WDR44: variants seen among roughly 807,000 people sequenced by gnomAD.
WDR44 encodes the protein WD repeat domain 44.
A neutral mutation model predicts 65.7 loss-of-function variants in WDR44; 9 were observed. The ratio of observed to expected loss-of-function variants is 0.14; its 90% CI spans 0.08 to 0.24. WDR44 has a LOEUF of 0.24. Among genes scored for constraint, WDR44 ranks in the 10% least tolerant of loss-of-function variants. WDR44 has a pLI of 1.00. For synonymous variants in WDR44, 220 were observed against 235.2 expected, an observed-to-expected ratio of 0.94 and a Z score of 0.59; for missense variants, 425 against 670.9, an observed-to-expected ratio of 0.63 and a Z score of 4.05.
chrX:118,354,998 A>G (rs190963642), intron 1 of WDR44, among the ~76,000 whole-genome samples: 4 of 112,486 alleles, frequency 3.6e-5, no homozygotes, highest in African/African-American at 1.3e-4. Context: ...ATAGCTGTGG[A>G]TGAACTTAAT....
chrX:118,403,478 T>TAA (rs2056937654), intron 8 of WDR44, among the ~76,000 whole-genome samples: 1 of 94,215 alleles, frequency 1.1e-5, no homozygotes, highest in South Asian at 4.8e-4. Flanking sequence ...TACCAGCACT[T>TAA]ATTTATCTGT....
intron 12 of WDR44, among the ~76,000 whole-genome samples, chrX:118,418,592 G>A (rs954625473): frequency 3.6e-5 from 4 of 111,117 alleles, no homozygotes; most frequent in African/African-American, 1.3e-4. Flanking sequence ...AGTGGCAGGG[G>A]GGTGAAATGG....
chrX:118,413,467 G>T (rs1174659676), intron 12 of WDR44, among the ~76,000 whole-genome samples: 1 of 112,151 alleles, frequency 8.9e-6, no homozygotes, highest in Non-Finnish European at 1.9e-5. Flanking sequence ...TCATACGTGT[G>T]TTGGCCATTT....
At chrX:118,398,932 G>A (rs759844105) in intron 8 of WDR44, among the ~76,000 whole-genome samples, 4 of 111,644 alleles carry the variant, frequency 3.6e-5, no homozygotes, top group Admixed American at 9.5e-5. Context: ...TAATAATAAA[G>A]CATCTGACAT....
chrX:118,360,498 C>T (rs995324512), intron 1 of WDR44, among the ~76,000 whole-genome samples: 6 of 112,105 alleles, frequency 5.4e-5, no homozygotes, highest in Admixed American at 1.9e-4. Flanking sequence ...GGACCAGACA[C>T]GTGATTCCCT....
chrX:118,382,231 T>G (rs1314850368), intron 2 of WDR44, among the ~76,000 whole-genome samples: 1 of 110,998 alleles, frequency 9.0e-6, no homozygotes, highest in Non-Finnish European at 1.9e-5. Flanking sequence ...CAAGGTGGTT[T>G]TTTTGTTTGT....
intron 2 of WDR44, among the ~76,000 whole-genome samples, chrX:118,386,634 A>G (rs916619169): frequency 4.5e-5 from 5 of 111,357 alleles, no homozygotes; most frequent in Non-Finnish European, 7.5e-5. Flanking sequence ...TTATGGAGCA[A>G]TGCTTTGGGG....
rs1442894786 is a variant in WDR44 at position 118,443,614 on chromosome X, G to A, written c.2439G>A (p.Trp813Ter). ...SGSEDKYVYI[W>*]STYHDLSKFT... Reference sequence around the variant, plus strand: ...CAGAAGATAAGTATGTTTATATCTGGAGTACCTACCATGACCTAAGCAAGT... The same window carrying A: ...CAGAAGATAAGTATGTTTATATCTGAAGTACCTACCATGACCTAAGCAAGT... The change falls in exon 18 of 20, where the codon TGG (tryptophan) becomes TGA (stop). Residue 813 changes from tryptophan to a stop codon, truncating the protein, a stop_gained. Transcript: ENST00000254029. LOFTEE classifies it high-confidence loss of function. The A allele has an allele frequency of 8.3e-7, 1 of 1,209,674 alleles. No individual in the cohort carries two copies. The highest frequency in any genetic ancestry group is 1.1e-6 in the Non-Finnish European group (1 of 894,013).
chrX:118,363,247 C>G (rs1374143428), intron 1 of WDR44, among the ~76,000 whole-genome samples: 1 of 107,029 alleles, frequency 9.3e-6, no homozygotes, highest in Non-Finnish European at 1.9e-5. Context: ...AAAAAAAATA[C>G]AAAAGTTAGC....
At chrX:118,391,895 C>G (rs1261154705) in intron 3 of WDR44, among the ~76,000 whole-genome samples, 1 of 111,564 alleles carries the variant, frequency 9.0e-6, no homozygotes, top group Non-Finnish European at 1.9e-5. Context: ...AGGAGAATTG[C>G]TTGAACCTGG....
chrX:118,445,088 G>A (rs1368569267), intron 19 of WDR44: 1 of 293,615 alleles, frequency 3.4e-6, no homozygotes, highest in East Asian at 1.1e-4. Context: ...GAGGTCAGGA[G>A]ATCGAGACCA....
intron 12 of WDR44, among the ~76,000 whole-genome samples, chrX:118,430,609 G>A (rs2057201566): frequency 9.2e-6 from 1 of 108,979 alleles, no homozygotes; most frequent in Non-Finnish European, 1.9e-5. Context: ...GGAGGCCGAG[G>A]CGGGTGGATC....
At chrX:118,357,420 T>C (rs1356131986) in intron 1 of WDR44, among the ~76,000 whole-genome samples, 1 of 111,894 alleles carries the variant, frequency 8.9e-6, no homozygotes, top group African/African-American at 3.3e-5. Context: ...GTTCCTCTGC[T>C]CATCTTTGGT....
At chrX:118,356,891 T>C (rs1190551073) in intron 1 of WDR44, among the ~76,000 whole-genome samples, 1 of 103,459 alleles carries the variant, frequency 9.7e-6, no homozygotes, top group Admixed American at 1.1e-4. Context: ...GTCACCAGGC[T>C]GGAGTGCAGT....
At position 118,418,753 on chromosome X, in the gene WDR44, T is replaced by C. The variant is rs12839782; in HGVS notation, c.1737+7794T>C. ...GGTGGGGCCCTAGAACTCTCAAGAGTATATGCCCTTTGTCTTCAGCTACCA... is the reference window on the plus strand; with the variant it reads ...GGTGGGGCCCTAGAACTCTCAAGAGCATATGCCCTTTGTCTTCAGCTACCA... On this transcript the variant is annotated intron_variant, in intron 12 of 19. Transcript: ENST00000254029. Among the ~76,000 whole-genome samples the C allele has an allele frequency of 8.7e-3, 962 of 109,995 alleles. 8 individuals carry two copies. Among genetic ancestry groups the C allele is most frequent in the African/African-American group, 0.03 (910 of 30,156 alleles).
intron 12 of WDR44, among the ~76,000 whole-genome samples, chrX:118,427,395 C>T (rs1251870788): frequency 7.4e-5 from 8 of 108,695 alleles, no homozygotes; most frequent in African/African-American, 2.3e-4. Context: ...CTCAGCCTCC[C>T]GAGTAGCTGG....
At chrX:118,434,250 T>C (rs1440555343) in intron 13 of WDR44, among the ~76,000 whole-genome samples, 5 of 112,149 alleles carry the variant, frequency 4.5e-5, no homozygotes, top group Non-Finnish European at 9.4e-5. Flanking sequence ...AAGTGAGTAA[T>C]GTGCATTTTT....
At chrX:118,385,362 A>C (rs775757952) in intron 2 of WDR44, among the ~76,000 whole-genome samples, 144 of 112,041 alleles carry the variant, frequency 1.3e-3, no homozygotes, top group African/African-American at 4.4e-3. Flanking sequence ...AGGGCCATGG[A>C]TGGAGCTGGA....
At chrX:118,377,952 A>C (rs1426024822) in intron 1 of WDR44, among the ~76,000 whole-genome samples, 1 of 107,137 alleles carries the variant, frequency 9.3e-6, no homozygotes, top group South Asian at 4.1e-4. Context: ...GGTCTTCTCC[A>C]CTTTTTTTTT....
Sources: gnomAD v4.1 joint callset for allele counts (sites outside exome capture counted in the v4.1 genomes callset) on GRCh38, gnomAD v4.1.1 for gene constraint, MANE v1.5 for transcripts, NCBI Gene and HGNC (gene_info 2026-07-23, HGNC 2026-07-21) for gene names.